Variants in GRM3 observed in about 807,000 individuals in gnomAD.
GRM3 encodes glutamate metabotropic receptor 3.
In GRM3, 26 loss-of-function variants were observed where a neutral mutation model predicts 70.5. The ratio of observed to expected loss-of-function variants is 0.37; its 90% CI spans 0.27 to 0.51. The LOEUF (loss-of-function observed/expected upper bound fraction) is 0.51, where lower values mean the gene tolerates loss of function less well. Among genes scored for constraint, GRM3 ranks in the 20% least tolerant of loss-of-function variants. GRM3 has a pLI of 0.93. For synonymous variants in GRM3, 443 were observed against 434.9 expected (o/e 1.02, Z -0.23); for missense variants, 859 against 1,123.8 (o/e 0.76, Z 3.37).
chr7:86,849,645 A>G (rs1473670999), intron 4 of GRM3, among the ~76,000 whole-genome samples: 1 of 152,108 alleles, frequency 6.6e-6, no homozygotes, highest in Non-Finnish European at 1.5e-5. Flanking sequence ...TTACTCTGGG[A>G]TGAGAATGAG....
chr7:86,653,954 GA>G (rs1793669446), intron 1 of GRM3, among the ~76,000 whole-genome samples: 1 of 152,118 alleles, frequency 6.6e-6, no homozygotes, highest in East Asian at 1.9e-4. Context: ...GGGGATGTGG[GA>G]AAACTTCTGT....
At chr7:86,833,746 T>C (rs1394966583) in intron 3 of GRM3, among the ~76,000 whole-genome samples, 2 of 152,218 alleles carry the variant, frequency 1.3e-5, no homozygotes. Flanking sequence ...TTTCATTCTT[T>C]CCCATTCTAG....
intron 4 of GRM3, among the ~76,000 whole-genome samples, chr7:86,845,916 C>T (rs542399428): frequency 8.9e-4 from 135 of 152,312 alleles, no homozygotes; most frequent in Non-Finnish European, 1.7e-3. Context: ...GGCTGGAACT[C>T]ATGGCTTGTT....
intron 3 of GRM3, among the ~76,000 whole-genome samples, chr7:86,829,728 A>G (rs888808796): frequency 1.3e-5 from 2 of 152,180 alleles, no homozygotes; most frequent in Non-Finnish European, 2.9e-5. Flanking sequence ...AAACATTTAT[A>G]ATAATAGCAT....
At chr7:86,677,347 C>A (rs1320456631) in intron 1 of GRM3, among the ~76,000 whole-genome samples, 1 of 151,932 alleles carries the variant, frequency 6.6e-6, no homozygotes, top group East Asian at 1.9e-4. Context: ...CTGCCTAAGT[C>A]TAATAAGCTG....
At chr7:86,811,009 A>G (rs1183641413) in intron 3 of GRM3, among the ~76,000 whole-genome samples, 1 of 151,870 alleles carries the variant, frequency 6.6e-6, no homozygotes, top group Admixed American at 6.6e-5. Flanking sequence ...ACACTGGCCA[A>G]AGTGTCATTT....
intron 2 of GRM3, among the ~76,000 whole-genome samples, chr7:86,769,664 G>T (rs1336907711): frequency 6.6e-6 from 1 of 152,178 alleles, no homozygotes; most frequent in Non-Finnish European, 1.5e-5. Flanking sequence ...TAGGAAAACT[G>T]CATGGAGGGG....
At chr7:86,648,862 C>G (rs1471977181) in intron 1 of GRM3, among the ~76,000 whole-genome samples, 2 of 152,110 alleles carry the variant, frequency 1.3e-5, no homozygotes, top group Non-Finnish European at 2.9e-5. Flanking sequence ...AATTGTTTCT[C>G]CAAGTTCCAG....
chr7:86,842,040 G>C (rs539712196), intron 4 of GRM3, among the ~76,000 whole-genome samples: 1 of 152,144 alleles, frequency 6.6e-6, no homozygotes, highest in Admixed American at 6.6e-5. Flanking sequence ...CTCCAATGTA[G>C]TGGTTTTCAA....
intron 1 of GRM3, among the ~76,000 whole-genome samples, chr7:86,712,481 A>G (rs946127783): frequency 6.6e-6 from 1 of 152,110 alleles, no homozygotes; most frequent in Non-Finnish European, 1.5e-5. Context: ...ATTTGACTTT[A>G]TGCTAGAAAC....
At chr7:86,806,535 C>T (rs1797797246) in intron 3 of GRM3, among the ~76,000 whole-genome samples, 1 of 152,138 alleles carries the variant, frequency 6.6e-6, no homozygotes, top group African/African-American at 2.4e-5. Flanking sequence ...CTGTTGGCTG[C>T]ATAAATGTCT....
Position 86,786,070 on chromosome 7 carries a change from G to A in GRM3, c.469-191G>A. On this transcript the variant is annotated intron_variant, in intron 2 of 5. Transcript: ENST00000361669. This position sits in a 1 kb window ranked among gnomAD's most constrained non-coding sequence, Gnocchi z 6.0. ...AGCACACACTACCTGTGTGAGACCTGCTTCCTAGTGTCCAAAATACAGTAT... is the reference window on the plus strand; with the variant it reads ...AGCACACACTACCTGTGTGAGACCTACTTCCTAGTGTCCAAAATACAGTAT... 1.6e-6 allele frequency: 1 copy of A among 631,828 alleles called. No homozygotes were observed. The highest frequency in any genetic ancestry group is 1.8e-5 in the South Asian group (1 of 55,342). The allele number at this position is 631,828 out of a possible 1,614,324, so 39.1% of individuals were successfully genotyped here.
At chr7:86,790,452 C>T (rs1206056380) in intron 3 of GRM3, among the ~76,000 whole-genome samples, 1 of 152,150 alleles carries the variant, frequency 6.6e-6, no homozygotes, top group African/African-American at 2.4e-5. Context: ...TTTATTCTTA[C>T]CTACTTCAAC....
rs1400748245 is a variant in GRM3 at position 86,786,084 on chromosome 7, A to G, written c.469-177A>G. The G allele has an allele frequency of 7.6e-6, 5 of 657,858 alleles. No homozygotes were observed. Among genetic ancestry groups the G allele is most frequent in the Non-Finnish European group, 1.3e-5 (5 of 370,574 alleles). The allele number at this position is 657,858 out of a possible 1,614,324, so 40.8% of individuals were successfully genotyped here. On this transcript the variant is annotated intron_variant, in intron 2 of 5. Transcript: ENST00000361669. This position sits in a 1 kb window ranked among gnomAD's most constrained non-coding sequence, Gnocchi z 6.0. ...GTGTGAGACCTGCTTCCTAGTGTCC[A>G]AAATACAGTATCCAAGGAAGCATCT...
intron 1 of GRM3, among the ~76,000 whole-genome samples, chr7:86,718,303 G>A (rs1795370182): frequency 6.6e-6 from 1 of 151,924 alleles, no homozygotes; most frequent in African/African-American, 2.4e-5. Flanking sequence ...AGATTTGAAT[G>A]TAAAGACCTA....
At chr7:86,660,974 CA>C (rs1385573320) in intron 1 of GRM3, among the ~76,000 whole-genome samples, 3 of 151,818 alleles carry the variant, frequency 2.0e-5, no homozygotes, top group Admixed American at 6.6e-5. Context: ...AGCAGAAAGC[CA>C]ACAACAAATG....
At chr7:86,662,733 A>C (rs150220074) in intron 1 of GRM3, among the ~76,000 whole-genome samples, 2 of 152,098 alleles carry the variant, frequency 1.3e-5, no homozygotes, top group East Asian at 3.9e-4. Flanking sequence ...TTCTGAAGCT[A>C]TGAATTTCAT....
intron 1 of GRM3, among the ~76,000 whole-genome samples, chr7:86,730,375 G>A (rs185831721): frequency 5.9e-4 from 88 of 150,218 alleles, no homozygotes; most frequent in African/African-American, 1.4e-3. Flanking sequence ...AGCCAAGATC[G>A]TGCCATTGCA....
chr7:86,772,274 C>T (rs752140868), intron 2 of GRM3, among the ~76,000 whole-genome samples: 1 of 152,040 alleles, frequency 6.6e-6, no homozygotes, highest in Non-Finnish European at 1.5e-5. Flanking sequence ...TTCCAGAAGG[C>T]TCAAAATCTT....
Sources: gnomAD v4.1 joint callset for allele counts (sites outside exome capture counted in the v4.1 genomes callset) on GRCh38, gnomAD v4.1.1 for gene constraint, Gnocchi (gnomAD v3.1) non-coding constraint, MANE v1.5 for transcripts, NCBI Gene and HGNC (gene_info 2026-07-23, HGNC 2026-07-21) for gene names.